Variants in PTPRG observed in about 807,000 individuals in gnomAD.
The protein encoded by PTPRG is protein tyrosine phosphatase receptor type G.
In PTPRG, 102 loss-of-function variants were observed where a neutral mutation model predicts 165.3. The ratio of observed to expected loss-of-function variants is 0.62; its 90% CI spans 0.53 to 0.73. The LOEUF is 0.73. Among genes scored for constraint, PTPRG ranks in the 30% least tolerant of loss-of-function variants. The pLI is 0.00. For missense variants in PTPRG, 1,866 were observed against 1,861.4 expected (o/e 1.00, Z -0.05); for synonymous variants, 675 against 669.5 (o/e 1.01, Z -0.13).
At position 62,293,820 on chromosome 3, in the gene PTPRG, G is replaced by C. The variant is rs1702980151; in HGVS notation, c.*513G>C. On this transcript the variant is annotated 3_prime_UTR_variant, in exon 30 of 30. Transcript: ENST00000474889. ...TAGCATTGTTTTCTTTTACAGACTA[G>C]CAGGCTACTGGGACCTAAAAAGGTC... 1 of 152,410 alleles carries C rather than the reference G, an allele frequency of 6.6e-6. No individual in the cohort carries two copies. Among genetic ancestry groups the C allele is most frequent in the Admixed American group, 6.6e-5 (1 of 15,238 alleles). 9.4% of individuals were successfully genotyped at this position (152,410 alleles called of 1,614,324 possible).
chr3:62,089,461 A>G (rs1304083074), intron 5 of PTPRG, among the ~76,000 whole-genome samples: 8 of 152,266 alleles, frequency 5.3e-5, no homozygotes, highest in African/African-American at 1.4e-4. Flanking sequence ...GTAAAGGATT[A>G]GGAAACGGTC....
intron 1 of PTPRG, among the ~76,000 whole-genome samples, chr3:61,724,233 T>G (rs1284666377): frequency 6.4e-5 from 6 of 94,268 alleles, no homozygotes; most frequent in South Asian, 3.4e-4. Flanking sequence ...AAAAAAAAAG[T>G]AGTTATATAC....
At chr3:62,159,162 C>CA (rs959082937) in intron 7 of PTPRG, among the ~76,000 whole-genome samples, 46 of 146,434 alleles carry the variant, frequency 3.1e-4, no homozygotes, top group South Asian at 4.3e-4. Context: ...CCAATCTCTG[C>CA]AAAAAAAAAA....
rs148297199 is a variant in PTPRG at position 61,843,861 on chromosome 3, C to T, written c.190+94879C>T. ...CAAAAAACCCAGTTTTCCAAGTCACCAATTCCATGCACTTAAAATGCTGCA... is the reference window on the plus strand; with the variant it reads ...CAAAAAACCCAGTTTTCCAAGTCACTAATTCCATGCACTTAAAATGCTGCA... On this transcript the variant is annotated intron_variant, in intron 2 of 29. Transcript: ENST00000474889. 1.6e-3 allele frequency among the ~76,000 whole-genome samples: 236 copies of T among 151,108 alleles called. 2 individuals are homozygous for T. The highest frequency in any genetic ancestry group is 5.4e-3 in the African/African-American group (221 of 41,232).
At chr3:61,742,377 G>A (rs1013812316) in intron 1 of PTPRG, 5 of 1,045,994 alleles carry the variant, frequency 4.8e-6, no homozygotes, top group Non-Finnish European at 6.7e-6. Context: ...ATTTTTATAG[G>A]AAGAAATTGG....
At chr3:61,590,912 C>T (rs572148877) in intron 1 of PTPRG, among the ~76,000 whole-genome samples, 1 of 152,164 alleles carries the variant, frequency 6.6e-6, no homozygotes, top group South Asian at 2.1e-4. Context: ...GAGTTCAAGA[C>T]CAGCCTGGCC....
chr3:62,067,847 C>T (rs1404896140), intron 4 of PTPRG, among the ~76,000 whole-genome samples: 3 of 152,176 alleles, frequency 2.0e-5, no homozygotes, highest in Non-Finnish European at 4.4e-5. Context: ...AGATGCCTAT[C>T]ACCCCCTCAA....
At chr3:61,775,860 A>G (rs1575654520) in intron 2 of PTPRG, among the ~76,000 whole-genome samples, 1 of 134,900 alleles carries the variant, frequency 7.4e-6, no homozygotes, top group Non-Finnish European at 1.5e-5. Context: ...TCTCACTTAT[A>G]GGTGGGAATT....
At position 61,878,546 on chromosome 3, in the gene PTPRG, T is replaced by A. The variant is rs534064938; in HGVS notation, c.191-111079T>A. ...TATCGCTCTGTCACCCAGGTTGCAGTGTAGTGGCAGGATCAGGGCTCACTG... is the reference window on the plus strand; with the variant it reads ...TATCGCTCTGTCACCCAGGTTGCAGAGTAGTGGCAGGATCAGGGCTCACTG... On this transcript the variant is annotated intron_variant, in intron 2 of 29. Transcript: ENST00000474889. 1.1e-3 allele frequency among the ~76,000 whole-genome samples: 164 copies of A among 152,312 alleles called. 1 individual carries two copies. Among genetic ancestry groups the A allele is most frequent in the African/African-American group, 3.8e-3 (157 of 41,570 alleles).
intron 2 of PTPRG, among the ~76,000 whole-genome samples, chr3:61,915,417 T>C (rs2038910232): frequency 6.6e-6 from 1 of 152,222 alleles, no homozygotes; most frequent in East Asian, 1.9e-4. Flanking sequence ...TTCTTTTCTG[T>C]TGACTTCAAT....
intron 2 of PTPRG, among the ~76,000 whole-genome samples, chr3:61,941,777 C>T (rs916733035): frequency 2.0e-5 from 3 of 152,096 alleles, no homozygotes; most frequent in Non-Finnish European, 4.4e-5. Context: ...AAGTTTGACT[C>T]ACACTCTATT....
At chr3:62,218,305 A>G (rs1050031601) in intron 12 of PTPRG, among the ~76,000 whole-genome samples, 1 of 152,190 alleles carries the variant, frequency 6.6e-6, no homozygotes, top group Non-Finnish European at 1.5e-5. Context: ...TGGTTTCCCA[A>G]AGCAGAATTG....
intron 1 of PTPRG, among the ~76,000 whole-genome samples, chr3:61,721,559 A>T (rs2032045211): frequency 6.6e-6 from 1 of 152,214 alleles, no homozygotes; most frequent in South Asian, 2.1e-4. Context: ...GGAATATTAT[A>T]CAATAATTTA....
rs1173192341 is a variant in PTPRG, at chr3:61,621,051, ATG to A, written c.85+58705_85+58706del. Among the ~76,000 whole-genome samples, 349 of 117,942 alleles carry A rather than the reference ATG, an allele frequency of 3.0e-3. 5 individuals are homozygous for A. Among genetic ancestry groups the A allele is most frequent in the South Asian group, 0.011 (39 of 3,410 alleles). 77.4% of individuals were successfully genotyped at this position (117,942 alleles called of 152,430 possible). A position where few individuals can be genotyped will look rare whatever the true frequency, so the allele number is the denominator to read the frequency against. On this transcript the variant is annotated intron_variant, in intron 1 of 29. Coordinates refer to ENST00000474889, the MANE Select transcript of PTPRG (RefSeq NM_002841.4). ...TGTGTGTGTATATATATATATATATATGTGTGTGTGTGTGTGTGTGTGTGTGT... is the reference window on the plus strand; with the variant it reads ...TGTGTGTGTATATATATATATATATATGTGTGTGTGTGTGTGTGTGTGTGT...
At chr3:61,971,960 T>C (rs1231251541) in intron 2 of PTPRG, among the ~76,000 whole-genome samples, 1 of 152,262 alleles carries the variant, frequency 6.6e-6, no homozygotes, top group Non-Finnish European at 1.5e-5. Context: ...CAGCAATGCA[T>C]ATAATGGGCC....
intron 2 of PTPRG, among the ~76,000 whole-genome samples, chr3:61,858,394 C>G (rs1308634803): frequency 6.6e-6 from 1 of 152,202 alleles, no homozygotes. Flanking sequence ...TCTGCTTTAA[C>G]AGTCCTTCTA....
chr3:61,596,260 C>T (rs1016622744), intron 1 of PTPRG, among the ~76,000 whole-genome samples: 1 of 152,190 alleles, frequency 6.6e-6, no homozygotes, highest in Non-Finnish European at 1.5e-5. Context: ...TGTAAGAAGA[C>T]AGTGGATATG....
intron 1 of PTPRG, among the ~76,000 whole-genome samples, chr3:61,603,956 T>G (rs1169755760): frequency 6.6e-6 from 1 of 152,216 alleles, no homozygotes; most frequent in Non-Finnish European, 1.5e-5. Context: ...TGACCCTATT[T>G]CCAAATCATG....
At chr3:61,850,357 G>T (rs1044053021) in intron 2 of PTPRG, among the ~76,000 whole-genome samples, 14 of 152,082 alleles carry the variant, frequency 9.2e-5, no homozygotes, top group African/African-American at 3.4e-4. Flanking sequence ...TAGAGGTGGG[G>T]TTTCCGCATG....
Sources: gnomAD v4.1 joint callset for allele counts (sites outside exome capture counted in the v4.1 genomes callset) on GRCh38, gnomAD v4.1.1 for gene constraint, MANE v1.5 for transcripts, NCBI Gene and HGNC (gene_info 2026-07-23, HGNC 2026-07-21) for gene names.